NAV3: variants seen among roughly 807,000 people sequenced by gnomAD.
The protein encoded by NAV3 is neuron navigator 3, also known as pore membrane and/or filament interacting like protein 1.
NAV3 carries 87 observed loss-of-function variants against 244.7 expected under a neutral mutation model. The ratio of observed to expected loss-of-function variants is 0.36; its 90% CI spans 0.30 to 0.42. The LOEUF (loss-of-function observed/expected upper bound fraction) is 0.42, where lower values mean the gene tolerates loss of function less well. Among genes scored for constraint, NAV3 ranks in the 20% least tolerant of loss-of-function variants. The probability of loss-of-function intolerance (pLI) is 1.00; values close to 1 mark genes in which losing one functional copy is unlikely to be tolerated. For missense variants in NAV3, 2,663 were observed against 2,893.3 expected, an observed-to-expected ratio of 0.92 and a Z score of 1.83; for synonymous variants, 1,126 against 1,042.2, an observed-to-expected ratio of 1.08 and a Z score of -1.55.
At chr12:78,122,823 T>C (rs1402540118) in intron 16 of NAV3, among the ~76,000 whole-genome samples, 1 of 151,698 alleles carries the variant, frequency 6.6e-6, no homozygotes, top group African/African-American at 2.4e-5. Context: ...ATAGTTATGC[T>C]CAGAGCAATA....
chr12:77,631,276 G>A (rs1871882818), intron 2 of NAV3, among the ~76,000 whole-genome samples: 2 of 152,026 alleles, frequency 1.3e-5, no homozygotes, highest in Non-Finnish European at 2.9e-5. Context: ...TTATGCAAAT[G>A]TACAAGCTGC....
chr12:77,984,656 C>G (rs1247290716), intron 5 of NAV3, among the ~76,000 whole-genome samples: 2 of 152,042 alleles, frequency 1.3e-5, no homozygotes, highest in Admixed American at 1.3e-4. Flanking sequence ...GCTGTAGATT[C>G]CTTGCTATTA....
rs925779477 is a variant in NAV3, at chr12:77,626,185, G to A, written c.72+53919G>A. Among the ~76,000 whole-genome samples, 4 of 151,668 alleles carry A rather than the reference G, an allele frequency of 2.6e-5. No individual in the cohort carries two copies. In the South Asian group the frequency reaches 8.3e-4, roughly 32 times the overall value. ...CAACTGAGAGCTTCAGGAAGGATGA[G>A]ATTAAGTAGAAGAGAAAAATTTCTG... On this transcript the variant is annotated intron_variant, in intron 2 of 8. Transcript: ENST00000550042.
rs530098827 is a variant in NAV3 at position 78,163,052 on chromosome 12, G to T, written c.4869+3766G>T. Among the ~76,000 whole-genome samples, 4 of 150,178 alleles carry T rather than the reference G, an allele frequency of 2.7e-5. No individual in the cohort carries two copies. In the South Asian group the frequency reaches 6.3e-4, roughly 24 times the overall value. On this transcript the variant is annotated intron_variant, in intron 23 of 39. Transcript: ENST00000397909. Reference sequence around the variant, plus strand: ...CTGAGAATGAGGATACTGAGAAGCTGGTTTGGAAGCTAAAACACAAAGTAA... The same window carrying T: ...CTGAGAATGAGGATACTGAGAAGCTTGTTTGGAAGCTAAAACACAAAGTAA...
chr12:77,791,399 C>A (rs1871168409), intron 2 of NAV3, among the ~76,000 whole-genome samples: 1 of 150,402 alleles, frequency 6.6e-6, no homozygotes, highest in African/African-American at 2.4e-5. Context: ...TTATTATTTT[C>A]TTCTTCACTC....
At chr12:77,971,765 C>T (rs1731714) in intron 5 of NAV3, among the ~76,000 whole-genome samples, 132,510 of 152,050 alleles carry the variant, frequency 0.87, 57,821 homozygotes, top group East Asian at 0.98. Context: ...TGCTATACTT[C>T]TCTGGGTATT....
At chr12:77,678,202 A>T (rs777757662) in intron 2 of NAV3, among the ~76,000 whole-genome samples, 3 of 152,168 alleles carry the variant, frequency 2.0e-5, no homozygotes, top group Non-Finnish European at 4.4e-5. Flanking sequence ...ATTAGGAGGA[A>T]GCAATATATA....
intron 31 of NAV3, 45 bp from the exon 32 acceptor site, chr12:78,188,202 AG>A (rs1184334131): frequency 1.5e-6 from 2 of 1,370,630 alleles, no homozygotes; most frequent in Non-Finnish European, 2.1e-6. Flanking sequence ...GTAATAAAAA[AG>A]ATACACGGTT....
chr12:77,777,594 A>G (rs1870430580), intron 2 of NAV3, among the ~76,000 whole-genome samples: 1 of 152,158 alleles, frequency 6.6e-6, no homozygotes, highest in African/African-American at 2.4e-5. Flanking sequence ...TTTTCTGTTT[A>G]AGATTTTTGA....
intron 2 of NAV3, among the ~76,000 whole-genome samples, chr12:77,608,306 T>C (rs2136805293): frequency 6.6e-6 from 1 of 152,224 alleles, no homozygotes; most frequent in African/African-American, 2.4e-5. Context: ...CTCATTATTG[T>C]TCCCATATTT....
intron 1 of NAV3, among the ~76,000 whole-genome samples, chr12:77,831,979 T>C (rs1873787937): frequency 6.6e-6 from 1 of 152,224 alleles, no homozygotes; most frequent in Non-Finnish European, 1.5e-5. Context: ...GTTCTAGATA[T>C]TGCTCTATTA....
chr12:78,203,450 T>TA (rs1272262409), intron 38 of NAV3, among the ~76,000 whole-genome samples: 11 of 152,148 alleles, frequency 7.2e-5, no homozygotes, highest in Non-Finnish European at 1.2e-4. Flanking sequence ...TAACTATTTT[T>TA]AAAAAAAGTA....
chr12:77,951,893 G>A (rs1890923864), intron 3 of NAV3, among the ~76,000 whole-genome samples: 1 of 151,982 alleles, frequency 6.6e-6, no homozygotes, highest in African/African-American at 2.4e-5. Context: ...ACAGGAAGGA[G>A]AACATCACAC....
At chr12:77,982,351 A>G (rs1565985147) in intron 5 of NAV3, among the ~76,000 whole-genome samples, 1 of 148,880 alleles carries the variant, frequency 6.7e-6, no homozygotes, top group Non-Finnish European at 1.5e-5. Context: ...GCCAAGAGAT[A>G]CATCAGATAT....
rs75623482 is a variant in NAV3, at chr12:77,722,252, C to T, written c.72+149986C>T. 1.1e-4 allele frequency among the ~76,000 whole-genome samples: 16 copies of T among 152,126 alleles called. No individual in the cohort carries two copies. In the East Asian group the frequency reaches 2.5e-3, roughly 24 times the overall value. On this transcript the variant is annotated intron_variant, in intron 2 of 8. Transcript: ENST00000550042. ...AGTATTTTCTACACTGTGTACTGGG[C>T]TGTGACTAACATACTTTATTTGATA...
At chr12:77,836,475 C>G (rs552835347) in intron 1 of NAV3, among the ~76,000 whole-genome samples, 39 of 152,158 alleles carry the variant, frequency 2.6e-4, no homozygotes, top group Non-Finnish European at 4.4e-4. Flanking sequence ...GTGGACAAGC[C>G]TTGTATTTTA....
intron 1 of NAV3, among the ~76,000 whole-genome samples, chr12:77,907,741 C>T (rs147677570): frequency 6.6e-6 from 1 of 152,142 alleles, no homozygotes; most frequent in African/African-American, 2.4e-5. Context: ...GTTAAGAAAG[C>T]TAAGACTCCA....
At chr12:78,093,642 G>GA (rs201911788) in intron 12 of NAV3, among the ~76,000 whole-genome samples, 41 of 148,576 alleles carry the variant, frequency 2.8e-4, no homozygotes, top group Admixed American at 1.2e-3. Flanking sequence ...CACTCTGGGG[G>GA]AAAAAAAAAG....
rs1174711454 is a variant in NAV3 at position 78,036,998 on chromosome 12, T to A, written c.2024-12995T>A. 6 of 702,940 alleles carry A rather than the reference T, an allele frequency of 8.5e-6. 1 individual carries two copies. The Admixed American group carries it at 1.2e-4, about 14-fold the overall frequency. 43.5% of individuals were successfully genotyped at this position (702,940 alleles called of 1,614,324 possible). On this transcript the variant is annotated intron_variant, in intron 9 of 39. Transcript: ENST00000397909. ...GGGAGAGGAGACCCACGGTGCGCAT[T>A]TCCAACTGGTTTGGAAATGCTGCCA...
Sources: gnomAD v4.1 joint callset for allele counts (sites outside exome capture counted in the v4.1 genomes callset) on GRCh38, gnomAD v4.1.1 for gene constraint, MANE v1.5 for transcripts, NCBI Gene and HGNC (gene_info 2026-07-23, HGNC 2026-07-21) for gene names.